CDKAL1: variants seen among roughly 807,000 people sequenced by gnomAD.
The protein encoded by CDKAL1 is CDKAL1 threonylcarbamoyladenosine tRNA methylthiotransferase.
CDKAL1 carries 32 observed loss-of-function variants against 68.2 expected under a neutral mutation model. That is an observed-to-expected ratio of 0.47 (90% CI 0.35 to 0.63). The LOEUF (loss-of-function observed/expected upper bound fraction) is 0.63, where lower values mean the gene tolerates loss of function less well. Ranked by LOEUF, CDKAL1 falls within the 30% of genes least tolerant of loss-of-function variation. The probability of loss-of-function intolerance (pLI) is 0.00; values close to 1 mark genes in which losing one functional copy is unlikely to be tolerated. For synonymous variants in CDKAL1, 234 were observed against 244.3 expected (o/e 0.96, Z 0.39); for missense variants, 606 against 696.7 (o/e 0.87, Z 1.47).
chr6:20,637,858 G>A (rs957582507), intron 4 of CDKAL1, among the ~76,000 whole-genome samples: 3 of 152,066 alleles, frequency 2.0e-5, no homozygotes, highest in Middle Eastern at 3.4e-3. Flanking sequence ...CTTATCCCTA[G>A]GGATAGCCTA....
intron 10 of CDKAL1, among the ~76,000 whole-genome samples, chr6:20,955,830 CTT>C (rs1330163233): frequency 3.3e-5 from 5 of 152,120 alleles, no homozygotes; most frequent in Non-Finnish European, 2.9e-5. Flanking sequence ...TGCCACAGTT[CTT>C]TGTTTCTTGT....
Position 20,782,310 on chromosome 6 carries a change from T to C in CDKAL1, c.638+1045T>C, listed in dbSNP as rs1017063894. ...GGTGAATTTGTTGTAGACCAGCATC[T>C]GGCCTTCAGCGTTGAAGATTCAGAA... On this transcript the variant is annotated intron_variant, in intron 8 of 15. Transcript: ENST00000274695. Among the ~76,000 whole-genome samples the C allele has an allele frequency of 3.9e-5, 6 of 152,240 alleles. No homozygotes were observed. The East Asian group carries it at 1.2e-3, about 29-fold the overall frequency.
chr6:20,634,934 A>G (rs1393275264), intron 4 of CDKAL1, among the ~76,000 whole-genome samples: 1 of 148,836 alleles, frequency 6.7e-6, no homozygotes, highest in Non-Finnish European at 1.5e-5. Flanking sequence ...CCAAGACTGC[A>G]CCATTGTACT....
At chr6:20,563,653 G>T (rs1478757546) in intron 4 of CDKAL1, among the ~76,000 whole-genome samples, 8 of 150,854 alleles carry the variant, frequency 5.3e-5, no homozygotes, top group Non-Finnish European at 1.2e-4. Flanking sequence ...AGCCAACGAG[G>T]GCTTTTTTTT....
At chr6:20,777,501 G>A (rs1775223227) in intron 7 of CDKAL1, among the ~76,000 whole-genome samples, 1 of 152,132 alleles carries the variant, frequency 6.6e-6, no homozygotes, top group Non-Finnish European at 1.5e-5. Flanking sequence ...TATAGTCTCA[G>A]CTCCTCAGGA....
At chr6:20,930,594 C>T (rs1202976118) in intron 9 of CDKAL1, among the ~76,000 whole-genome samples, 1 of 152,178 alleles carries the variant, frequency 6.6e-6, no homozygotes, top group Non-Finnish European at 1.5e-5. Context: ...GGAGTGGACC[C>T]ACATCCCCTC....
chr6:20,576,799 CTG>C (rs1416196175), intron 4 of CDKAL1, among the ~76,000 whole-genome samples: 1 of 152,094 alleles, frequency 6.6e-6, no homozygotes, highest in Non-Finnish European at 1.5e-5. Flanking sequence ...TTGCTTTTCT[CTG>C]TGTGTGGCGT....
intron 12 of CDKAL1, among the ~76,000 whole-genome samples, chr6:21,076,380 C>T (rs552997328): frequency 3.3e-5 from 5 of 152,272 alleles, no homozygotes; most frequent in South Asian, 2.1e-4. Context: ...CACACAGACA[C>T]GTGAGTGCGC....
intron 8 of CDKAL1, among the ~76,000 whole-genome samples, chr6:20,798,032 T>G (rs1019810534): frequency 6.6e-6 from 1 of 151,958 alleles, no homozygotes. Context: ...CCCAGGCTGG[T>G]CTTGAACTCC....
chr6:20,822,907 A>G (rs917958044), intron 8 of CDKAL1, among the ~76,000 whole-genome samples: 1 of 152,162 alleles, frequency 6.6e-6, no homozygotes, highest in Admixed American at 6.6e-5. Flanking sequence ...CTTTATAGCC[A>G]TGTGAAAATG....
At chr6:21,201,075 T>C in intron 14 of CDKAL1, 35 bp from the exon 15 acceptor site, 1 of 1,565,088 alleles carries the variant, frequency 6.4e-7, no homozygotes. Context: ...ATGTTTATTT[T>C]TAAAAATTAA....
chr6:20,877,945 G>A (rs1484009949), intron 9 of CDKAL1, among the ~76,000 whole-genome samples: 1 of 152,148 alleles, frequency 6.6e-6, no homozygotes, highest in African/African-American at 2.4e-5. Context: ...ATACTTTTCC[G>A]TATGTGTCTC....
intron 11 of CDKAL1, among the ~76,000 whole-genome samples, chr6:21,055,738 A>G (rs1770796284): frequency 6.6e-6 from 1 of 152,134 alleles, no homozygotes; most frequent in Non-Finnish European, 1.5e-5. Flanking sequence ...TCCATGGTGT[A>G]TATGTACCAC....
chr6:20,773,263 C>T (rs1775021436), intron 7 of CDKAL1, among the ~76,000 whole-genome samples: 1 of 152,168 alleles, frequency 6.6e-6, no homozygotes, highest in African/African-American at 2.4e-5. Flanking sequence ...GAGTGTCACA[C>T]TTTAGTGTGA....
At chr6:21,122,006 C>T (rs1774746289) in intron 13 of CDKAL1, among the ~76,000 whole-genome samples, 2 of 152,144 alleles carry the variant, frequency 1.3e-5, no homozygotes, top group African/African-American at 2.4e-5. Context: ...TCACAAACCA[C>T]CTGATTTCAT....
chr6:21,123,065 C>T (rs1348316663), intron 13 of CDKAL1, among the ~76,000 whole-genome samples: 1 of 152,100 alleles, frequency 6.6e-6, no homozygotes, highest in East Asian at 1.9e-4. Context: ...TGAACTCTGG[C>T]TGATATCAAG....
chr6:20,731,996 G>A (rs572486258), intron 5 of CDKAL1, among the ~76,000 whole-genome samples: 2 of 152,092 alleles, frequency 1.3e-5, no homozygotes, highest in Admixed American at 1.3e-4. Context: ...CAGCCAGCCT[G>A]GTAGGACTCA....
chr6:20,583,784 G>C (rs1055883584), intron 4 of CDKAL1, among the ~76,000 whole-genome samples: 9 of 147,414 alleles, frequency 6.1e-5, no homozygotes, highest in African/African-American at 7.5e-5. Flanking sequence ...TAGTAAAAGC[G>C]CCCCCCCCCA....
chr6:20,577,282 C>G (rs899210367), intron 4 of CDKAL1, among the ~76,000 whole-genome samples: 22 of 152,334 alleles, frequency 1.4e-4, no homozygotes, highest in African/African-American at 5.3e-4. Context: ...ATCACCTACT[C>G]AGATTTAGAA....
Sources: allele counts gnomAD v4.1 joint callset (sites outside exome capture counted in the v4.1 genomes callset), GRCh38; gene constraint gnomAD v4.1.1; transcripts MANE v1.5; gene names NCBI Gene and HGNC (gene_info 2026-07-23, HGNC 2026-07-21).